Variants in ITPR1 observed in about 807,000 individuals in gnomAD.
ITPR1 encodes inositol 1,4,5-trisphosphate-gated calcium channel ITPR1.
ITPR1 carries 96 observed loss-of-function variants against 318.4 expected under a neutral mutation model. That is an observed-to-expected ratio of 0.30 (90% CI 0.26 to 0.36). ITPR1 has a LOEUF of 0.36. Ranked by LOEUF, ITPR1 falls within the 10% of genes least tolerant of loss-of-function variation. The probability of loss-of-function intolerance (pLI) is 1.00; values close to 1 mark genes in which losing one functional copy is unlikely to be tolerated. For synonymous variants in ITPR1, 1,312 were observed against 1,289.9 expected, an observed-to-expected ratio of 1.02 and a Z score of -0.37; for missense variants, 2,440 against 3,460.2, an observed-to-expected ratio of 0.71 and a Z score of 7.40.
chr3:4,767,612 G>A (rs1226716623), intron 45 of ITPR1, among the ~76,000 whole-genome samples: 1 of 152,208 alleles, frequency 6.6e-6, no homozygotes, highest in African/African-American at 2.4e-5. Context: ...TCCAACTCCT[G>A]GGCCCAGATG....
rs2094474185 is a variant in ITPR1 at position 4,691,199 on chromosome 3, G to C, written c.3884G>C (p.Ser1295Thr). ...HIFMNNFQLC[S>T]EINERVVQHF... The stretch of plus-strand genomic sequence containing the variant: ...TTCATGAACAATTTCCAGCTTTGCA[G>C]TGAGATCAACGAGAGAGTTGTTCAG... Residue 1295 changes from serine to threonine, a missense_variant, in exon 32 of 62, where the codon AGT (serine) becomes ACT (threonine). This residue lies in a region of ITPR1 where 222 missense variants were observed against 318.8 expected (regional missense o/e 0.70). Coordinates refer to ENST00000649015, the MANE Select transcript of ITPR1 (RefSeq NM_001378452.1). 2.5e-6 allele frequency: 4 copies of C among 1,613,174 alleles called. No homozygotes were observed. Among genetic ancestry groups the C allele is most frequent in the Non-Finnish European group, 3.4e-6 (4 of 1,179,494 alleles).
intron 52 of ITPR1, 152 bp from the exon 53 acceptor site, chr3:4,794,913 A>G: frequency 6.2e-6 from 5 of 805,226 alleles, no homozygotes; most frequent in Non-Finnish European, 9.4e-6. Flanking sequence ...TTATGTACCA[A>G]GTTCCAAACA....
At chr3:4,815,026 A>G (rs373977057) in intron 58 of ITPR1, 27 bp from the exon 59 acceptor site, 63 of 1,590,450 alleles carry the variant, frequency 4.0e-5, no homozygotes, top group Non-Finnish European at 5.4e-5. Context: ...AGGGACCCAG[A>G]CTGATCCAGA....
chr3:4,611,055 C>G (rs1575712375), intron 4 of ITPR1, among the ~76,000 whole-genome samples: 1 of 115,194 alleles, frequency 8.7e-6, no homozygotes, highest in African/African-American at 3.4e-5. Context: ...CCCTCCCTCC[C>G]TCCCTTCCTT....
chr3:4,832,849 C>T (rs2050614169), intron 60 of ITPR1, among the ~76,000 whole-genome samples: 1 of 152,194 alleles, frequency 6.6e-6, no homozygotes, highest in African/African-American at 2.4e-5. Context: ...GGCATCAGTG[C>T]CTCTCCACCA....
chr3:4,699,019 G>A (rs2094601402), intron 34 of ITPR1, among the ~76,000 whole-genome samples: 1 of 152,062 alleles, frequency 6.6e-6, no homozygotes, highest in African/African-American at 2.4e-5. Flanking sequence ...TTGTGTATTG[G>A]TCAGATTTTA....
rs1452028332 is a variant in ITPR1 at position 4,826,817 on chromosome 3, G to A, written c.8028+8575G>A. On this transcript the variant is annotated intron_variant, in intron 60 of 61. Coordinates refer to ENST00000649015, the MANE Select transcript of ITPR1 (RefSeq NM_001378452.1). The surrounding 1 kb of genome is among the most constrained non-coding windows in gnomAD (Gnocchi z 4.2). ...CCGAATTTCCTACATTCTGACCTTC[G>A]TGGAGGGTGTGCCAGGTGCCGTTTG... 5.3e-5 allele frequency among the ~76,000 whole-genome samples: 8 copies of A among 152,110 alleles called. No homozygotes were observed. The highest frequency in any genetic ancestry group is 8.8e-5 in the Non-Finnish European group (6 of 68,018).
chr3:4,523,813 A>G (rs566747425), intron 4 of ITPR1, among the ~76,000 whole-genome samples: 1 of 152,322 alleles, frequency 6.6e-6, no homozygotes, highest in East Asian at 1.9e-4. Flanking sequence ...GGGAAGTCGG[A>G]GGAGACATGT....
intron 4 of ITPR1, among the ~76,000 whole-genome samples, chr3:4,606,511 C>G (rs1387303915): frequency 2.0e-5 from 3 of 152,068 alleles, no homozygotes; most frequent in Admixed American, 6.5e-5. Context: ...AGTCTGTGGT[C>G]CTTGCCTTTC....
chr3:4,608,769 A>G (rs2091874223), intron 4 of ITPR1, among the ~76,000 whole-genome samples: 2 of 151,898 alleles, frequency 1.3e-5, no homozygotes, highest in Non-Finnish European at 1.5e-5. Context: ...TGGGAAGCCA[A>G]GGCAGGTGGA....
intron 21 of ITPR1, 100 bp from the exon 22 acceptor site, chr3:4,674,102 A>C: frequency 1.1e-6 from 1 of 880,982 alleles, no homozygotes; most frequent in Non-Finnish European, 1.7e-6. Context: ...AAGGGATGCC[A>C]AGGGTTAGGG....
chr3:4,561,557 A>G (rs1559450386), intron 4 of ITPR1, among the ~76,000 whole-genome samples: 2 of 152,202 alleles, frequency 1.3e-5, no homozygotes, highest in East Asian at 1.9e-4. Flanking sequence ...TTTGGGTCCA[A>G]TGCTCAATAT....
chr3:4,513,948 A>G lies in ITPR1; in HGVS notation c.-16-2528A>G, dbSNP rs555886142. On this transcript the variant is annotated intron_variant, in intron 2 of 61. Coordinates refer to ENST00000649015, the MANE Select transcript of ITPR1 (RefSeq NM_001378452.1). ...AAAAAATACAAACGTTTAGCCAGGCATGGCGGTGGGTGCCTGTAATCCCAG... is the reference window on the plus strand; with the variant it reads ...AAAAAATACAAACGTTTAGCCAGGCGTGGCGGTGGGTGCCTGTAATCCCAG... 5.9e-5 allele frequency among the ~76,000 whole-genome samples: 9 copies of G among 152,256 alleles called. No homozygotes were observed. In the East Asian group the frequency reaches 1.7e-3, roughly 29 times the overall value.
intron 36 of ITPR1, among the ~76,000 whole-genome samples, chr3:4,704,743 G>A (rs2094722403): frequency 6.6e-6 from 1 of 151,812 alleles, no homozygotes; most frequent in African/African-American, 2.4e-5. Flanking sequence ...GACAAGGAGA[G>A]TTGATGTCTG....
At chr3:4,668,996 G>A (rs1029816304) in intron 18 of ITPR1, among the ~76,000 whole-genome samples, 6 of 152,090 alleles carry the variant, frequency 3.9e-5, no homozygotes, top group African/African-American at 1.2e-4. Flanking sequence ...CAGTTGAAGC[G>A]GGAAGCAATT....
intron 4 of ITPR1, among the ~76,000 whole-genome samples, chr3:4,545,656 C>T (rs905302237): frequency 6.5e-5 from 8 of 122,918 alleles, no homozygotes; most frequent in African/African-American, 6.0e-5. Context: ...TTGGAAGCAT[C>T]TTTTTTTGTG....
At chr3:4,817,288 G>C (rs1249676206) in intron 59 of ITPR1, 4 of 152,188 alleles carry the variant, frequency 2.6e-5, no homozygotes, top group African/African-American at 7.2e-5. Flanking sequence ...ATTCCTGTTG[G>C]TGTGCTGCTG....
At chr3:4,599,051 G>A (rs2091071447) in intron 4 of ITPR1, among the ~76,000 whole-genome samples, 1 of 148,066 alleles carries the variant, frequency 6.8e-6, no homozygotes, top group African/African-American at 2.5e-5. Context: ...ACCTAATTTT[G>A]GGAAAAACCT....
intron 2 of ITPR1, among the ~76,000 whole-genome samples, chr3:4,509,045 T>C (rs2081605457): frequency 6.6e-6 from 1 of 152,258 alleles, no homozygotes; most frequent in Non-Finnish European, 1.5e-5. Flanking sequence ...AATGTTTTCA[T>C]TTCAGACTCA....
Sources: allele counts gnomAD v4.1 joint callset (sites outside exome capture counted in the v4.1 genomes callset), GRCh38; gene constraint gnomAD v4.1.1; regional missense constraint gnomAD v4.1.1; non-coding constraint Gnocchi (gnomAD v3.1); transcripts MANE v1.5; gene names NCBI Gene and HGNC (gene_info 2026-07-23, HGNC 2026-07-21).